Variants in ATP8B1 observed in about 807,000 individuals in gnomAD.
The protein encoded by ATP8B1 is phospholipid-transporting ATPase IC.
A neutral mutation model predicts 149.9 loss-of-function variants in ATP8B1; 80 were observed. That is an observed-to-expected ratio of 0.53 (90% CI 0.45 to 0.64). The LOEUF (loss-of-function observed/expected upper bound fraction) is 0.64. Among genes scored for constraint, ATP8B1 ranks in the 30% least tolerant of loss-of-function variants. ATP8B1 has a pLI of 0.00. For missense variants in ATP8B1, 1,247 were observed against 1,552.6 expected, an observed-to-expected ratio of 0.80 and a Z score of 3.31; for synonymous variants, 536 against 562.8, an observed-to-expected ratio of 0.95 and a Z score of 0.67.
rs1912888974 is a variant in ATP8B1, at chr18:57,697,658, G to A, written c.658C>T (p.Pro220Ser). The A allele has an allele frequency of 6.2e-7, 1 of 1,613,664 alleles. No individual in the cohort carries two copies. Among genetic ancestry groups the A allele is most frequent in the Admixed American group, 1.7e-5 (1 of 59,940 alleles). ...ADILLLSSSEPNSLCYVETAE... is the reference protein window; with the variant it reads ...ADILLLSSSESNSLCYVETAE... ...GTTTCCACATAGCAGAGGCTGTTAG[G>A]CTCAGAGCTAGACAGCAGGAGAATG... The change falls in exon 8 of 28, where the codon CCT becomes TCT. Residue 220 changes from proline (P) to serine (S), a missense_variant. By Grantham distance (74) the Pro-to-Ser change is moderately conservative (BLOSUM62 -1). Coordinates refer to ENST00000648908, the MANE Select transcript of ATP8B1 (RefSeq NM_001374385.1).
Position 57,650,832 on chromosome 18 carries a change from G to A in ATP8B1, c.3401-335C>T, listed in dbSNP as rs117520022. On this transcript the variant is annotated intron_variant, in intron 26 of 27. Transcript: ENST00000648908. Reference sequence around the variant, plus strand: ...AGCCTGGGTGATAAAGCAAAACTCTGTCTCAAAAATAAAAAATAAAATAAA... The same window carrying A: ...AGCCTGGGTGATAAAGCAAAACTCTATCTCAAAAATAAAAAATAAAATAAA... Among the ~76,000 whole-genome samples the A allele has an allele frequency of 0.024, 3,587 of 151,912 alleles. 65 individuals are homozygous for A. Among genetic ancestry groups the A allele is most frequent in the Non-Finnish European group, 0.036 (2,435 of 67,962 alleles).
In ATP8B1 at chr18:57,648,246, A is replaced by C; in HGVS notation, c.*242T>G. 2 of 590,874 alleles carry C rather than the reference A, an allele frequency of 3.4e-6. No homozygotes were observed. The highest frequency in any genetic ancestry group is 2.7e-5 in the Admixed American group (1 of 37,356). The allele number at this position is 590,874 out of a possible 1,614,324, so 36.6% of individuals were successfully genotyped here. On this transcript the variant is annotated 3_prime_UTR_variant, in exon 28 of 28. Coordinates refer to ENST00000648908, the MANE Select transcript of ATP8B1 (RefSeq NM_001374385.1). ...GGTGATCTCCCCTCCTCAGCCTCCTAAAGTGCTGGGATTACAGACCTGAGC... is the reference window on the plus strand; with the variant it reads ...GGTGATCTCCCCTCCTCAGCCTCCTCAAGTGCTGGGATTACAGACCTGAGC...
chr18:57,765,725 C>T (rs1214095595), intron 1 of ATP8B1, among the ~76,000 whole-genome samples: 3 of 151,302 alleles, frequency 2.0e-5, no homozygotes, highest in Non-Finnish European at 2.9e-5. Context: ...ACCTGTAATC[C>T]GAGCACTTTG....
intron 1 of ATP8B1, among the ~76,000 whole-genome samples, chr18:57,734,822 TGA>T (rs1482203995): frequency 1.3e-5 from 2 of 152,118 alleles, no homozygotes; most frequent in Non-Finnish European, 2.9e-5. Context: ...GCATTCCTGG[TGA>T]GAGACAGGGC....
chr18:57,742,068 C>T (rs940934322), intron 1 of ATP8B1, among the ~76,000 whole-genome samples: 24 of 152,108 alleles, frequency 1.6e-4, no homozygotes, highest in Non-Finnish European at 3.4e-4. Flanking sequence ...CAGGGTTTTA[C>T]CTTGTTGGCC....
intron 1 of ATP8B1, among the ~76,000 whole-genome samples, chr18:57,773,444 A>G (rs1024266999): frequency 2.0e-5 from 3 of 152,112 alleles, no homozygotes; most frequent in South Asian, 2.1e-4. Flanking sequence ...GTCTGGGAGG[A>G]AAAACATTGA....
At chr18:57,765,496 C>T (rs140156433) in intron 1 of ATP8B1, among the ~76,000 whole-genome samples, 2,312 of 152,080 alleles carry the variant, frequency 0.015, 66 homozygotes, top group African/African-American at 0.053. Flanking sequence ...GGTGAAACCG[C>T]GTCTCTACTA....
chr18:57,686,887 ATGCTGGAG>A (rs1372004443), intron 13 of ATP8B1, among the ~76,000 whole-genome samples: 2 of 152,182 alleles, frequency 1.3e-5, no homozygotes, highest in Admixed American at 6.5e-5. Flanking sequence ...TCTGTTAGCC[ATGCTGGAG>A]TGCTGTGGTG....
At chr18:57,760,455 T>C (rs2080138038) in intron 1 of ATP8B1, among the ~76,000 whole-genome samples, 1 of 152,072 alleles carries the variant, frequency 6.6e-6, no homozygotes, top group African/African-American at 2.4e-5. Context: ...GGCCAGCCTA[T>C]CTCCACCTTC....
At chr18:57,729,011 C>G (rs1212271108) in intron 2 of ATP8B1, among the ~76,000 whole-genome samples, 1 of 152,006 alleles carries the variant, frequency 6.6e-6, no homozygotes, top group Non-Finnish European at 1.5e-5. Flanking sequence ...TGAGTCGCCG[C>G]ACCCGGCCAA....
chr18:57,783,004 G>GGC (rs753780174), intron 1 of ATP8B1, among the ~76,000 whole-genome samples: 7 of 151,702 alleles, frequency 4.6e-5, no homozygotes, highest in Admixed American at 6.6e-5. Flanking sequence ...GTAGCGACAG[G>GGC]GTTTCACCAT....
At chr18:57,667,400 G>T in intron 19 of ATP8B1, 1 of 502,644 alleles carries the variant, frequency 2.0e-6, no homozygotes, top group East Asian at 3.6e-5. Context: ...CAAACAATTT[G>T]TGTTTTTTCT....
chr18:57,776,637 C>G (rs187165588), intron 1 of ATP8B1, among the ~76,000 whole-genome samples: 22 of 150,868 alleles, frequency 1.5e-4, no homozygotes, highest in Middle Eastern at 3.4e-3. Flanking sequence ...CATTTCCTGT[C>G]TAACTCAGAG....
intron 1 of ATP8B1, among the ~76,000 whole-genome samples, chr18:57,742,749 A>T (rs192847533): frequency 6.6e-6 from 1 of 152,082 alleles, no homozygotes; most frequent in East Asian, 1.9e-4. Flanking sequence ...GCTTGAGCCC[A>T]GGAGCTCAAG....
chr18:57,770,902 C>T (rs1449259916), intron 1 of ATP8B1, among the ~76,000 whole-genome samples: 3 of 152,210 alleles, frequency 2.0e-5, no homozygotes, highest in African/African-American at 7.2e-5. Context: ...CTCGCTCTGT[C>T]GCCCAGGCTG....
chr18:57,743,336 A>T (rs2079936551), intron 1 of ATP8B1, among the ~76,000 whole-genome samples: 1 of 152,080 alleles, frequency 6.6e-6, no homozygotes, highest in African/African-American at 2.4e-5. Context: ...AACATCACCT[A>T]CTTCCCTCCC....
chr18:57,798,386 G>A (rs1011515374), intron 1 of ATP8B1, among the ~76,000 whole-genome samples: 3 of 150,606 alleles, frequency 2.0e-5, no homozygotes, highest in Non-Finnish European at 2.9e-5. Context: ...GAGAAGCCTG[G>A]GCAACATAGT....
chr18:57,668,195 G>C (rs1406243140), intron 19 of ATP8B1: 1 of 1,436,528 alleles, frequency 7.0e-7, no homozygotes, highest in African/African-American at 1.4e-5. Context: ...TAATCAGCAA[G>C]ACATGGCCAG....
chr18:57,687,773 ATTTTTTT>A (rs11342488), intron 13 of ATP8B1, among the ~76,000 whole-genome samples: 3 of 95,244 alleles, frequency 3.1e-5, no homozygotes, highest in African/African-American at 1.2e-4. Flanking sequence ...GAGACTTCTA[ATTTTTTT>A]TTTTTTTTTT....
Sources: gnomAD v4.1 joint callset for allele counts (sites outside exome capture counted in the v4.1 genomes callset) on GRCh38, gnomAD v4.1.1 for gene constraint, MANE v1.5 for transcripts, NCBI Gene and HGNC (gene_info 2026-07-23, HGNC 2026-07-21) for gene names.